TTN: variants seen among roughly 807,000 people sequenced by gnomAD.
TTN encodes titin, also known as connectin.
A neutral mutation model predicts 3,223.0 loss-of-function variants in TTN; 1,525 were observed. That is an observed-to-expected ratio of 0.47 (90% CI 0.45 to 0.49). TTN has a LOEUF of 0.49. Ranked by LOEUF, TTN falls within the 20% of genes least tolerant of loss-of-function variation. TTN has a pLI of 0.00. For missense variants in TTN, 40,786 were observed against 43,424.0 expected (o/e 0.94, Z 5.40); for synonymous variants, 14,094 against 15,161.0 (o/e 0.93, Z 5.17).
In TTN at chr2:178,624,736, A is replaced by G. The variant is rs780301933; in HGVS notation, c.44549-5T>C. 1.9e-6 allele frequency: 3 copies of G among 1,611,764 alleles called. No individual in the cohort carries two copies. ...TAGTGAATTCAACTGGGGGTTCTGA[A>G]AGAATCATACTCATTAGCCAAGGTA... On this transcript the variant is annotated splice_polypyrimidine_tract_variant and splice_region_variant and intron_variant, in intron 241 of 362. Coordinates refer to ENST00000589042, the MANE Select transcript of TTN (RefSeq NM_001267550.2).
In TTN at chr2:178,573,954, T is replaced by C. The variant is rs1709156357; in HGVS notation, c.72178A>G (p.Thr24060Ala). The C allele has an allele frequency of 5.6e-6, 9 of 1,613,422 alleles. No homozygotes were observed. Among genetic ancestry groups the C allele is most frequent in the Non-Finnish European group, 7.6e-6 (9 of 1,179,608 alleles). The part of the protein sequence containing the change: ...EADVSGRPPP[T>A]MEWSKDGKEL... ...TTTCCATCTTTGCTCCATTCCATTGTTGGAGGTGGGCGGCCTGAAACATCA... is the reference window on the plus strand; with the variant it reads ...TTTCCATCTTTGCTCCATTCCATTGCTGGAGGTGGGCGGCCTGAAACATCA... The change falls in exon 326 of 363, where the codon ACA becomes GCA. Residue 24060 changes from threonine to alanine, a missense_variant. Coordinates refer to ENST00000589042, the MANE Select transcript of TTN (RefSeq NM_001267550.2).
chr2:178,718,110 T>C lies in TTN; in HGVS notation c.24896A>G (p.Lys8299Arg). ...AGCTGATCGTAGCTTTGTGTGTTCTTTATACCAAGAAATTCTAATTTCTGG... is the reference window on the plus strand; with the variant it reads ...AGCTGATCGTAGCTTTGTGTGTTCTCTATACCAAGAAATTCTAATTTCTGG... Reference protein sequence around the residue: ...GTPEIRISWYKEHTKLRSAPA... With the variant: ...GTPEIRISWYREHTKLRSAPA... Residue 8299 changes from lysine to arginine, a missense_variant, in exon 86 of 363, where the codon AAA becomes AGA. By Grantham distance (26) the Lys-to-Arg change is conservative (BLOSUM62 2). Coordinates refer to ENST00000589042, the MANE Select transcript of TTN (RefSeq NM_001267550.2). 2 of 1,612,494 alleles carry C rather than the reference T, an allele frequency of 1.2e-6. No homozygotes were observed. Among genetic ancestry groups the C allele is most frequent in the Non-Finnish European group, 1.7e-6 (2 of 1,179,708 alleles).
chr2:178,545,711 G>T lies in TTN; in HGVS notation c.95417-18C>A, dbSNP rs554816206. On this transcript the variant is annotated intron_variant, in intron 343 of 362. Coordinates refer to ENST00000589042, the MANE Select transcript of TTN (RefSeq NM_001267550.2). ...TGGAATAGCTGTTTATGAAAATAAGGATGATGAGAATTGCACAAAATTACT... is the reference window on the plus strand; with the variant it reads ...TGGAATAGCTGTTTATGAAAATAAGTATGATGAGAATTGCACAAAATTACT... 6.2e-7 allele frequency: 1 copy of T among 1,607,020 alleles called. No individual in the cohort carries two copies. Among genetic ancestry groups the T allele is most frequent in the East Asian group, 2.2e-5 (1 of 44,762 alleles).
Position 178,531,573 on chromosome 2 carries a change from A to G in TTN, c.105042T>C (p.Ala35014=), listed in dbSNP as rs1575233628. The G allele has an allele frequency of 6.2e-7, 1 of 1,613,996 alleles. No individual in the cohort carries two copies. Among genetic ancestry groups the G allele is most frequent in the Middle Eastern group, 1.6e-4 (1 of 6,062 alleles). ...CTTCGCCCTTGTAGTTGGTGCACAC[A>G]GCACGGTAGGTTCCACTGTCATCAG... ...CHTDDSGTYR[A]VCTNYKGEAS... Residue 35014 remains alanine, a synonymous_variant, in exon 358 of 363, where the codon GCT becomes GCC. Coordinates refer to ENST00000589042, the MANE Select transcript of TTN (RefSeq NM_001267550.2).
In TTN at chr2:178,591,450, G is replaced by C. The variant is rs1276745153; in HGVS notation, c.60275C>G (p.Ala20092Gly). The change falls in exon 304 of 363, where the codon GCT becomes GGT. Residue 20092 changes from alanine (A) to glycine (G), a missense_variant. Transcript: ENST00000589042. Reference protein sequence around the residue: ...VKLIEGLVVKAGTTVRFPAII... With the variant: ...VKLIEGLVVKGGTTVRFPAII... ...AGCAGGGAATCTGACTGTGGTTCCAGCCTTTACCACAAGACCTTCAATTAA... is the reference window on the plus strand; with the variant it reads ...AGCAGGGAATCTGACTGTGGTTCCACCCTTTACCACAAGACCTTCAATTAA... 6.3e-7 allele frequency: 1 copy of C among 1,598,458 alleles called. No homozygotes were observed. The highest frequency in any genetic ancestry group is 8.5e-7 in the Non-Finnish European group (1 of 1,173,898).
At chr2:178,756,893 G>A in intron 45 of TTN, 96 bp from the exon 46 acceptor site, 1 of 1,104,174 alleles carries the variant, frequency 9.1e-7, no homozygotes, top group Non-Finnish European at 1.3e-6. Context: ...GGAAGATGAA[G>A]ATGAAAGACG....
chr2:178,803,871 G>C (rs2094186000), intron 2 of TTN, among the ~76,000 whole-genome samples: 1 of 151,952 alleles, frequency 6.6e-6, no homozygotes, highest in African/African-American at 2.4e-5. Flanking sequence ...ACTGAGTTAT[G>C]AGGAAGAAAA....
rs772359226 is a variant in TTN, at chr2:178,571,363, G to A, written c.74769C>T (p.Asp24923=). The A allele has an allele frequency of 3.7e-6, 6 of 1,613,198 alleles. No individual in the cohort carries two copies. In the African/African-American group the frequency reaches 4.0e-5, roughly 11 times the overall value. Residue 24923 remains aspartate, a synonymous_variant, in exon 326 of 363, where the codon GAC becomes GAT. Coordinates refer to ENST00000589042, the MANE Select transcript of TTN (RefSeq NM_001267550.2). ...GCTCATTCCATTGTACTTCCATGCT[G>A]TCCCTGGAGGACAGTGTGACAACTG... ...GTPVVTLSSR[D]SMEVQWNEPI...
Position 178,633,883 on chromosome 2 carries a change from C to G in TTN, c.42616G>C (p.Asp14206His). The G allele has an allele frequency of 6.2e-7, 1 of 1,613,396 alleles. No individual in the cohort carries two copies. The highest frequency in any genetic ancestry group is 8.5e-7 in the Non-Finnish European group (1 of 1,179,568). ...HKLEMKEVTL[D>H]DISQIKAQVK... ...TGAGCTTTTATCTGAGATATATCAT[C>G]CAATGTCACTTCTTTCATTTCCAAT... Residue 14206 changes from aspartate to histidine, a missense_variant, in exon 231 of 363, where the codon GAT becomes CAT. Asp to His is a moderately conservative substitution (Grantham distance 81). Coordinates refer to ENST00000589042, the MANE Select transcript of TTN (RefSeq NM_001267550.2).
Position 178,692,658 on chromosome 2 carries a change from A to G in TTN, c.31595-78T>C. ...GTTGTTGTAAGACTTAGAATTAAAT[A>G]GAGATTCCCTTTTTATACCAACTGA... On this transcript the variant is annotated intron_variant, in intron 119 of 362. Transcript: ENST00000589042. 3.6e-6 allele frequency: 4 copies of G among 1,119,832 alleles called. No individual in the cohort carries two copies. The South Asian group carries it at 7.7e-5, about 21-fold the overall frequency. 69.4% of individuals were successfully genotyped at this position (1,119,832 alleles called of 1,614,324 possible).
chr2:178,713,682 A>G (rs1244118243), intron 92 of TTN: 2 of 757,226 alleles, frequency 2.6e-6, no homozygotes, highest in Non-Finnish European at 4.1e-6. Context: ...TTTCATTCCT[A>G]TCATCATTTT....
chr2:178,612,714 G>A (rs777878224), intron 265 of TTN, 59 bp downstream of exon 265: 181 of 1,555,344 alleles, frequency 1.2e-4, no homozygotes, highest in Admixed American at 3.1e-4. Flanking sequence ...TTCTCATATC[G>A]TAGCTCACAG....
intron 159 of TTN, among the ~76,000 whole-genome samples, chr2:178,668,735 A>G (rs1288314978): frequency 2.0e-5 from 3 of 146,846 alleles, no homozygotes; most frequent in African/African-American, 4.9e-5. Flanking sequence ...TTCCATCTCA[A>G]AAAAAAAAAA....
chr2:178,778,617 A>G (rs1346900235), intron 24 of TTN: 6 of 496,552 alleles, frequency 1.2e-5, no homozygotes, highest in East Asian at 3.8e-5. Context: ...TGTAAAAATC[A>G]GGTGTCAAAT....
In TTN at chr2:178,677,335, C is replaced by CAT. The variant is rs61060584; in HGVS notation, c.34292-50_34292-49dup. ...GCATTAAAAACCACATATACATGGT[C>CAT]ATATATATATATATATATATATATA... On this transcript the variant is annotated intron_variant, in intron 146 of 362. Transcript: ENST00000589042. 62,036 of 248,604 alleles carry CAT rather than the reference C, an allele frequency of 0.25. 4,139 individuals are homozygous for CAT. Among genetic ancestry groups the CAT allele is most frequent in the Non-Finnish European group, 0.27 (48,196 of 179,218 alleles). The allele number at this position is 248,604 out of a possible 1,614,324, so 15.4% of individuals were successfully genotyped here.
rs371993907 is a variant in TTN at position 178,649,522 on chromosome 2, C to CT, written c.39973+31dup. The CT allele has an allele frequency of 3.9e-5, 60 of 1,539,744 alleles. No homozygotes were observed. The African/African-American group carries it at 7.3e-4, about 19-fold the overall frequency. Reference sequence around the variant, plus strand: ...CCACTTTAAGATATCAGAATACTTTCTTTTTTATGATGCCAACGATGAAGT... The same window carrying CT: ...CCACTTTAAGATATCAGAATACTTTCTTTTTTTATGATGCCAACGATGAAGT... On this transcript the variant is annotated intron_variant, in intron 212 of 362. Transcript: ENST00000589042.
intron 99 of TTN, 32 bp from the exon 100 acceptor site, chr2:178,707,845 A>G (rs746172184): frequency 1.3e-6 from 2 of 1,540,362 alleles, no homozygotes; most frequent in East Asian, 2.3e-5. Context: ...CATGAGGAAC[A>G]TAAAGGCAAA....
intron 54 of TTN, 57 bp downstream of exon 54, chr2:178,733,182 T>C: frequency 2.6e-6 from 4 of 1,556,904 alleles, no homozygotes; most frequent in Non-Finnish European, 3.5e-6. Flanking sequence ...TGATTGACTT[T>C]AGGCCATTTG....
In TTN at chr2:178,704,166, T is replaced by G. The variant is rs1460548116; in HGVS notation, c.30204A>C (p.Ser10068=). The change falls in exon 106 of 363, where the codon TCA becomes TCC. Residue 10068 remains serine, a synonymous_variant. Transcript: ENST00000589042. ...ACGCACCTTCGATTCTGAGTTCTGC[T>G]GAAGTTTCAAGGTCTTCATATTTGC... ...YTCKYEDLET[S]AELRIEAEPI... 4.3e-6 allele frequency: 7 copies of G among 1,613,836 alleles called. No individual in the cohort carries two copies. Among genetic ancestry groups the G allele is most frequent in the Non-Finnish European group, 4.2e-6 (5 of 1,179,884 alleles).
Sources: allele counts gnomAD v4.1 joint callset (sites outside exome capture counted in the v4.1 genomes callset), GRCh38; gene constraint gnomAD v4.1.1; transcripts MANE v1.5; gene names NCBI Gene and HGNC (gene_info 2026-07-23, HGNC 2026-07-21).